ATP13A2: variants seen among roughly 807,000 people sequenced by gnomAD.
ATP13A2 encodes the protein ATPase cation transporting 13A2.
In ATP13A2, 83 loss-of-function variants were observed where a neutral mutation model predicts 138.3. That is an observed-to-expected ratio of 0.60 (90% CI 0.50 to 0.72). The LOEUF (loss-of-function observed/expected upper bound fraction) is 0.72, where lower values mean the gene tolerates loss of function less well. Ranked by LOEUF, ATP13A2 falls within the 30% of genes least tolerant of loss-of-function variation. ATP13A2 has a pLI of 0.00. For missense variants in ATP13A2, 1,402 were observed against 1,606.4 expected (o/e 0.87, Z 2.17); for synonymous variants, 663 against 699.0 (o/e 0.95, Z 0.81).
intron 6 of ATP13A2, among the ~76,000 whole-genome samples, chr1:17,003,324 G>A (rs1476194307): frequency 6.6e-6 from 1 of 152,088 alleles, no homozygotes; most frequent in African/African-American, 2.4e-5. Context: ...TTGGGAGGCT[G>A]AGGCGGGTGG....
chr1:16,997,288 C>T (rs1432154349), intron 11 of ATP13A2, 113 bp from the exon 12 acceptor site: 2 of 1,298,986 alleles, frequency 1.5e-6, no homozygotes, highest in Non-Finnish European at 2.2e-6. Flanking sequence ...ACTCTGTAAC[C>T]AGGTGTGAAC....
At position 17,000,573 on chromosome 1, in the gene ATP13A2, C is replaced by T. The variant is rs749864504; in HGVS notation, c.706-39G>A. 6.9e-6 allele frequency: 11 copies of T among 1,598,998 alleles called. 1 individual carries two copies. The South Asian group carries it at 1.1e-4, about 16-fold the overall frequency. ...GGGAGGCAGCGTCAGGGCCGCGTCC[C>T]CCAGGGCAGCCCAGCCACAGGCTGG... On this transcript the variant is annotated intron_variant, in intron 8 of 28. Transcript: ENST00000326735.
intron 1 of ATP13A2, among the ~76,000 whole-genome samples, chr1:17,010,847 G>A (rs769807698): frequency 3.9e-5 from 6 of 152,158 alleles, no homozygotes; most frequent in East Asian, 1.9e-4. Context: ...TGGTGACCTG[G>A]CAGCGGCCCA....
chr1:16,993,586 C>G, intron 16 of ATP13A2, 43 bp downstream of exon 16: 3 of 1,541,264 alleles, frequency 1.9e-6, no homozygotes, highest in Non-Finnish European at 2.6e-6. Flanking sequence ...TCGTTAGGCC[C>G]CACTGCCCAG....
intron 8 of ATP13A2, 144 bp from the exon 9 acceptor site, chr1:17,000,678 C>T: frequency 9.3e-7 from 1 of 1,070,146 alleles, no homozygotes; most frequent in Non-Finnish European, 1.3e-6. Flanking sequence ...TCAATCCCAT[C>T]CCCACCCAAC....
Position 16,995,522 on chromosome 1 carries a change from G to C in ATP13A2, c.1542+454C>G. On this transcript the variant is annotated intron_variant, in intron 15 of 28. Coordinates refer to ENST00000326735, the MANE Select transcript of ATP13A2 (RefSeq NM_022089.4). The surrounding 1 kb of genome is among the most constrained non-coding windows in gnomAD (Gnocchi z 4.1). Reference sequence around the variant, plus strand: ...CTGTCACCCAGGCTGGAGTACAATGGCATGATCTTGGCTCACTGCAACCTC... The same window carrying C: ...CTGTCACCCAGGCTGGAGTACAATGCCATGATCTTGGCTCACTGCAACCTC... 1 of 287,798 alleles carries C rather than the reference G, an allele frequency of 3.5e-6. No individual in the cohort carries two copies. Among genetic ancestry groups the C allele is most frequent in the Non-Finnish European group, 6.8e-6 (1 of 146,262 alleles). The allele number at this position is 287,798 out of a possible 1,614,324, so 17.8% of individuals were successfully genotyped here. A position where few individuals can be genotyped will look rare whatever the true frequency, so the allele number is the denominator to read the frequency against.
At chr1:16,991,594 T>G in intron 20 of ATP13A2, 140 bp downstream of exon 20, 1 of 1,256,754 alleles carries the variant, frequency 8.0e-7, no homozygotes, top group Non-Finnish European at 1.1e-6. Flanking sequence ...TTGTGAAGAT[T>G]CACGAAATGT....
intron 20 of ATP13A2, among the ~76,000 whole-genome samples, chr1:16,991,518 C>CAA (rs2076926691): frequency 2.6e-5 from 4 of 152,234 alleles, no homozygotes; most frequent in Admixed American, 6.5e-5. Flanking sequence ...AGTCACTCCA[C>CAA]TCCTCTGAGT....
rs772266257 is a variant in ATP13A2, at chr1:16,992,512, G to A, written c.1819C>T (p.Leu607Phe). The A allele has an allele frequency of 3.7e-6, 6 of 1,614,210 alleles. 1 individual carries two copies. The South Asian group carries it at 6.6e-5, about 18-fold the overall frequency. The stretch of plus-strand genomic sequence containing the variant: ...ATTGCCTGCAGCTGGGGCTCCCAAA[G>A]TGGGGGTCTCATCACTGCCAAGACC... ...TQVLAVMRPP[L>F]WEPQLQAMEE... is the part of the protein sequence containing the mutation. The change falls in exon 17 of 29, where the codon CTT (leucine) becomes TTT (phenylalanine). Residue 607 changes from leucine (L) to phenylalanine (F), a missense_variant. Coordinates refer to ENST00000326735, the MANE Select transcript of ATP13A2 (RefSeq NM_022089.4).
intron 7 of ATP13A2, 63 bp from the exon 8 acceptor site, chr1:17,002,166 G>A (rs1339790316): frequency 6.3e-7 from 1 of 1,587,442 alleles, no homozygotes; most frequent in African/African-American, 1.3e-5. Context: ...CTCCCGGGGT[G>A]AAGGAGCTCC....
intron 1 of ATP13A2, among the ~76,000 whole-genome samples, chr1:17,006,910 A>C (rs1360308774): frequency 2.7e-5 from 4 of 150,922 alleles, no homozygotes; most frequent in Non-Finnish European, 5.9e-5. Flanking sequence ...TTTTTTTTTG[A>C]GATGAAGTCT....
chr1:16,988,630 CATT>C (rs1223617661), intron 23 of ATP13A2, among the ~76,000 whole-genome samples, 156 bp from the exon 24 acceptor site: 3 of 150,946 alleles, frequency 2.0e-5, no homozygotes, highest in African/African-American at 4.9e-5. Context: ...TTATTATTAT[CATT>C]ATTATTATTA....
intron 25 of ATP13A2, among the ~76,000 whole-genome samples, chr1:16,987,488 T>C (rs977144121): frequency 3.3e-5 from 5 of 152,166 alleles, no homozygotes; most frequent in Admixed American, 6.5e-5. Flanking sequence ...TGTGCTGACC[T>C]TGGGGGCCTA....
chr1:17,007,580 C>G (rs1426365583), intron 1 of ATP13A2, among the ~76,000 whole-genome samples: 1 of 129,496 alleles, frequency 7.7e-6, no homozygotes, highest in Non-Finnish European at 1.6e-5. Flanking sequence ...GAGAGCGAGT[C>G]TCGCTCTGTC....
intron 1 of ATP13A2, among the ~76,000 whole-genome samples, chr1:17,006,373 C>G (rs1474176819): frequency 6.6e-6 from 1 of 151,574 alleles, no homozygotes; most frequent in African/African-American, 2.4e-5. Context: ...GCCTCAGCCT[C>G]CCGAGTAGCT....
chr1:17,008,919 A>T (rs1172470141), intron 1 of ATP13A2, among the ~76,000 whole-genome samples: 8 of 147,546 alleles, frequency 5.4e-5, no homozygotes, highest in Admixed American at 2.7e-4. Context: ...AGCTGAGATC[A>T]CGCCACTGCA....
In ATP13A2 at chr1:16,993,918, G is replaced by A. The variant is rs1394195151; in HGVS notation, c.1543-83C>T. 5 of 1,236,636 alleles carry A rather than the reference G, an allele frequency of 4.0e-6. No homozygotes were observed. In the South Asian group the frequency reaches 6.3e-5, roughly 16 times the overall value. 76.6% of individuals were successfully genotyped at this position (1,236,636 alleles called of 1,614,324 possible). A position where few individuals can be genotyped will look rare whatever the true frequency, so the allele number is the denominator to read the frequency against. On this transcript the variant is annotated intron_variant, in intron 15 of 28. Coordinates refer to ENST00000326735, the MANE Select transcript of ATP13A2 (RefSeq NM_022089.4). ...AGCTGGGCCTCCAAACCCCAGGCCC[G>A]GCGGACCCTATGGGAACCCCAGGAA... is the stretch of plus-strand genomic sequence containing the variant.
chr1:17,008,688 C>T (rs981879925), intron 1 of ATP13A2, among the ~76,000 whole-genome samples: 5 of 151,960 alleles, frequency 3.3e-5, no homozygotes, highest in South Asian at 2.1e-4. Context: ...CAGTGGCTCA[C>T]GCCTGTAATC....
chr1:16,992,529 G>T lies in ATP13A2; in HGVS notation c.1802C>A (p.Ala601Glu), dbSNP rs958837456. The T allele has an allele frequency of 3.1e-6, 5 of 1,614,080 alleles. No individual in the cohort carries two copies. The highest frequency in any genetic ancestry group is 4.2e-6 in the Non-Finnish European group (5 of 1,180,038). Residue 601 changes from alanine (A) to glutamate (E), a missense_variant, in exon 17 of 29, where the codon GCA becomes GAA. By Grantham distance (107) the Ala-to-Glu change is moderately radical. Transcript: ENST00000326735. ...CTCCCAAAGTGGGGGTCTCATCACT[G>T]CCAAGACCTGGGTCCCAAATGCTGA... The part of the protein sequence containing the change: ...ADSAFGTQVL[A>E]VMRPPLWEPQ...
Sources: gnomAD v4.1 joint callset for allele counts (sites outside exome capture counted in the v4.1 genomes callset) on GRCh38, gnomAD v4.1.1 for gene constraint, Gnocchi (gnomAD v3.1) non-coding constraint, MANE v1.5 for transcripts, NCBI Gene and HGNC (gene_info 2026-07-23, HGNC 2026-07-21) for gene names.